Variants in CNTN2 observed in about 807,000 individuals in gnomAD.
CNTN2 encodes contactin-2.
A neutral mutation model predicts 117.5 loss-of-function variants in CNTN2; 53 were observed. The ratio of observed to expected loss-of-function variants is 0.45; its 90% CI spans 0.36 to 0.57. CNTN2 has a LOEUF of 0.57. Among genes scored for constraint, CNTN2 ranks in the 20% least tolerant of loss-of-function variants. The pLI, the probability that CNTN2 is intolerant of heterozygous loss-of-function variation, is 0.00. For missense variants in CNTN2, 1,106 were observed against 1,404.3 expected, an observed-to-expected ratio of 0.79 and a Z score of 3.39; for synonymous variants, 530 against 561.7, an observed-to-expected ratio of 0.94 and a Z score of 0.80.
chr1:205,065,279 G>A lies in CNTN2; in HGVS notation c.1695+17G>A, dbSNP rs774971951. The A allele has an allele frequency of 6.2e-7, 1 of 1,613,570 alleles. No individual in the cohort carries two copies. Among genetic ancestry groups the A allele is most frequent in the South Asian group, 1.1e-5 (1 of 91,042 alleles). On this transcript the variant is annotated intron_variant, in intron 13 of 22. Coordinates refer to ENST00000331830, the MANE Select transcript of CNTN2 (RefSeq NM_005076.5). This position sits in a 1 kb window ranked among gnomAD's most constrained non-coding sequence, Gnocchi z 4.1. ...ACTAATGTGGTGAGACCTAGGGCCA[G>A]AGCCCCATGGCTTCTCCCTCCTTCT...
rs1040227835 is a variant in CNTN2, at chr1:205,064,726, A to G, written c.1495A>G (p.Ser499Gly). The G allele has an allele frequency of 2.2e-5, 36 of 1,614,016 alleles. No homozygotes were observed. Among genetic ancestry groups the G allele is most frequent in the Non-Finnish European group, 2.9e-5 (34 of 1,180,034 alleles). Residue 499 changes from serine (S) to glycine (G), a missense_variant, in exon 12 of 23, where the codon AGC becomes GGC. Transcript: ENST00000331830. ...FAENFMGKAN[S>G]TGILSVRDAT... The stretch of plus-strand genomic sequence containing the variant: ...TGAGAACTTCATGGGCAAAGCCAAC[A>G]GCACTGGAATCCTATCTGTGCGAGG...
chr1:205,057,242 T>C (rs1300922073), intron 2 of CNTN2: 1 of 152,260 alleles, frequency 6.6e-6, no homozygotes, highest in Non-Finnish European at 1.5e-5. Flanking sequence ...GTTCTATAAC[T>C]TTCCCAAGGT....
intron 16 of CNTN2, chr1:205,068,889 A>C (rs1193938006): frequency 2.0e-5 from 3 of 152,252 alleles, no homozygotes; most frequent in Non-Finnish European, 2.9e-5. Context: ...GGAGCTGATG[A>C]AATAAATTCC....
chr1:205,043,743 C>A (rs1351333727), intron 1 of CNTN2, among the ~76,000 whole-genome samples: 1 of 152,150 alleles, frequency 6.6e-6, no homozygotes, highest in Non-Finnish European at 1.5e-5. Flanking sequence ...GCCCTGGGCA[C>A]CCGGTCCAGG....
At chr1:205,062,298 C>T (rs1001663363) in intron 9 of CNTN2, 142 bp from the exon 10 acceptor site, 95 of 1,213,642 alleles carry the variant, frequency 7.8e-5, no homozygotes, top group Non-Finnish European at 9.9e-5. Flanking sequence ...TTCCAGGCAG[C>T]CCTGAGGTAG....
chr1:205,050,276 TGA>T (rs1199563844), intron 1 of CNTN2, among the ~76,000 whole-genome samples: 1 of 93,794 alleles, frequency 1.1e-5, no homozygotes, highest in African/African-American at 4.5e-5. Flanking sequence ...CCTAGAGCTC[TGA>T]GTGTGTGTGT....
At chr1:205,072,979 C>T (rs1654669950) in intron 21 of CNTN2, 89 bp from the exon 22 acceptor site, 30 of 1,416,796 alleles carry the variant, frequency 2.1e-5, no homozygotes, top group Middle Eastern at 3.6e-4. Context: ...CCAGAACCAT[C>T]GGGTCTCCTC....
chr1:205,057,394 C>G (rs1173830917), intron 2 of CNTN2: 1 of 152,456 alleles, frequency 6.6e-6, no homozygotes, highest in Non-Finnish European at 1.5e-5. Context: ...CCTCACACCC[C>G]ACAGATCAGT....
Position 205,061,977 on chromosome 1 carries a change from G to A in CNTN2, c.1086G>A (p.Arg362=), listed in dbSNP as rs1654011145. The part of the protein sequence containing the change: ...GKPRPTVRWL[R]NGEPLASQNR... ...CCCGGCCTACAGTGCGCTGGCTGCG[G>A]AACGGGGAGCCTCTGGCCTCCCAGG... The change falls in exon 9 of 23, where the codon CGG becomes CGA. Residue 362 remains arginine (R), a synonymous_variant. Transcript: ENST00000331830. This position sits in a 1 kb window ranked among gnomAD's most constrained non-coding sequence, Gnocchi z 4.8. 6.2e-7 allele frequency: 1 copy of A among 1,613,382 alleles called. No individual in the cohort carries two copies. Among genetic ancestry groups the A allele is most frequent in the Non-Finnish European group, 8.5e-7 (1 of 1,179,798 alleles).
At position 205,059,736 on chromosome 1, in the gene CNTN2, AC is replaced by A; in HGVS notation, c.797+58del. ...GCACGGTCTCTCGGGGGCACAGGTGACCCCAGGGTGAGGGCAGGCAGAGTCA... is the reference window on the plus strand; with the variant it reads ...GCACGGTCTCTCGGGGGCACAGGTGACCCAGGGTGAGGGCAGGCAGAGTCA... On this transcript the variant is annotated intron_variant, in intron 7 of 22. Coordinates refer to ENST00000331830, the MANE Select transcript of CNTN2 (RefSeq NM_005076.5). This position sits in a 1 kb window ranked among gnomAD's most constrained non-coding sequence, Gnocchi z 5.6. 6.8e-7 allele frequency: 1 copy of A among 1,476,546 alleles called. No homozygotes were observed. The highest frequency in any genetic ancestry group is 9.4e-7 in the Non-Finnish European group (1 of 1,058,306). 91.5% of individuals were successfully genotyped at this position (1,476,546 alleles called of 1,614,324 possible).
chr1:205,067,212 C>T lies in CNTN2; in HGVS notation c.2087C>T (p.Pro696Leu). Residue 696 changes from proline to leucine, a missense_variant, in exon 16 of 23, where the codon CCT becomes CTT. Coordinates refer to ENST00000331830, the MANE Select transcript of CNTN2 (RefSeq NM_005076.5). ...AGCAACATTCTGGGCACTGGGGAGC[C>T]TAGTGGGCCCTCCAGCAAAATCCGG... The part of the protein sequence containing the change: ...IASNILGTGE[P>L]SGPSSKIRTR... The T allele has an allele frequency of 6.2e-7, 1 of 1,613,934 alleles. No homozygotes were observed. Among genetic ancestry groups the T allele is most frequent in the Non-Finnish European group, 8.5e-7 (1 of 1,179,938 alleles).
Position 205,059,554 on chromosome 1 carries a change from A to G in CNTN2, c.698-29A>G, listed in dbSNP as rs750427417. 6.2e-7 allele frequency: 1 copy of G among 1,605,546 alleles called. No homozygotes were observed. The highest frequency in any genetic ancestry group is 8.5e-7 in the Non-Finnish European group (1 of 1,172,282). On this transcript the variant is annotated intron_variant, in intron 6 of 22. Transcript: ENST00000331830. This position sits in a 1 kb window ranked among gnomAD's most constrained non-coding sequence, Gnocchi z 5.6. ...GAGCACCTGACCTGGAGTCATCTGC[A>G]TCTGATTTGTAAAACCCTCTCTCCC...
chr1:205,059,129 C>G lies in CNTN2; in HGVS notation c.533C>G (p.Pro178Arg). The change falls in exon 6 of 23, where the codon CCG becomes CGG. Residue 178 changes from proline (P) to arginine (R), a missense_variant. By Grantham distance (103) the Pro-to-Arg change is moderately radical (BLOSUM62 -2). Coordinates refer to ENST00000331830, the MANE Select transcript of CNTN2 (RefSeq NM_005076.5). This position sits in a 1 kb window ranked among gnomAD's most constrained non-coding sequence, Gnocchi z 5.6. ...WLLNEFPNFI[P>R]TDGRHFVSQT... ...CTCAACGAGTTCCCCAACTTCATCCCGACGGACGGGCGTCACTTCGTGTCC... is the reference window on the plus strand; with the variant it reads ...CTCAACGAGTTCCCCAACTTCATCCGGACGGACGGGCGTCACTTCGTGTCC... 2 of 1,614,210 alleles carry G rather than the reference C, an allele frequency of 1.2e-6. No homozygotes were observed. The highest frequency in any genetic ancestry group is 1.7e-6 in the Non-Finnish European group (2 of 1,180,046).
chr1:205,073,053 A>C lies in CNTN2; in HGVS notation c.2845-15A>C. On this transcript the variant is annotated splice_polypyrimidine_tract_variant and intron_variant, in intron 21 of 22. Transcript: ENST00000331830. The surrounding 1 kb of genome is among the most constrained non-coding windows in gnomAD (Gnocchi z 6.3). ...TGGTGTCAGGAAACTCCACCTGGAA[A>C]CCTCCTTCCCACAGATGCTGTACCA... 8 of 1,613,540 alleles carry C rather than the reference A, an allele frequency of 5.0e-6. No individual in the cohort carries two copies. The highest frequency in any genetic ancestry group is 6.8e-6 in the Non-Finnish European group (8 of 1,179,766).
chr1:205,058,659 C>T lies in CNTN2; in HGVS notation c.483C>T (p.Tyr161=), dbSNP rs1431142646. The T allele has an allele frequency of 6.2e-7, 1 of 1,613,264 alleles. No homozygotes were observed. The highest frequency in any genetic ancestry group is 1.7e-5 in the Admixed American group (1 of 59,988). The change falls in exon 5 of 23, where the codon TAC becomes TAT. Residue 161 remains tyrosine (Y), a synonymous_variant. Coordinates refer to ENST00000331830, the MANE Select transcript of CNTN2 (RefSeq NM_005076.5). This position sits in a 1 kb window ranked among gnomAD's most constrained non-coding sequence, Gnocchi z 4.3. ...VMLPCNPPAH[Y]PGLSYRWLLN... is the part of the protein sequence containing the mutation. Reference sequence around the variant, plus strand: ...TGCCCTGTAACCCACCTGCCCACTACCCAGGTGAGTCCAGACCTGGGGCCA... The same window carrying T: ...TGCCCTGTAACCCACCTGCCCACTATCCAGGTGAGTCCAGACCTGGGGCCA...
In CNTN2 at chr1:205,075,331, G is replaced by A. The variant is rs978038843; in HGVS notation, c.*1566G>A. 6.5e-6 allele frequency: 1 copy of A among 154,792 alleles called. No individual in the cohort carries two copies. The highest frequency in any genetic ancestry group is 2.4e-5 in the African/African-American group (1 of 41,510). 9.6% of individuals were successfully genotyped at this position (154,792 alleles called of 1,614,324 possible). ...AGCTTCTACCAAACTTCAACATGGA[G>A]GGCTGACTTGAAGCTCCCTGTCCCC... is the stretch of plus-strand genomic sequence containing the variant. On this transcript the variant is annotated 3_prime_UTR_variant, in exon 23 of 23. Transcript: ENST00000331830.
At position 205,073,790 on chromosome 1, in the gene CNTN2, G is replaced by A. The variant is rs189196763; in HGVS notation, c.*25G>A. The A allele has an allele frequency of 1.1e-3, 1,775 of 1,587,110 alleles. 23 individuals carry two copies. The African/African-American group carries it at 0.022, about 19-fold the overall frequency. ...ATCCTGGAACCCCTCCCTCTGCGCC[G>A]CAGCTGGACGCCACCTCCGACGGAC... On this transcript the variant is annotated 3_prime_UTR_variant, in exon 23 of 23. Transcript: ENST00000331830. The surrounding 1 kb of genome is among the most constrained non-coding windows in gnomAD (Gnocchi z 6.3).
rs763527327 is a variant in CNTN2 at position 205,065,218 on chromosome 1, A to G, written c.1651A>G (p.Ile551Val). 1.9e-6 allele frequency: 3 copies of G among 1,614,140 alleles called. No individual in the cohort carries two copies. Among genetic ancestry groups the G allele is most frequent in the East Asian group, 2.2e-5 (1 of 44,860 alleles). ...TFTWTLDDFP[I>V]DFDKPGGHYR... Reference sequence around the variant, plus strand: ...CACCTGGACCCTGGACGACTTCCCCATCGACTTTGATAAGCCTGGAGGGCA... The same window carrying G: ...CACCTGGACCCTGGACGACTTCCCCGTCGACTTTGATAAGCCTGGAGGGCA... The change falls in exon 13 of 23, where the codon ATC becomes GTC. Residue 551 changes from isoleucine (I) to valine (V), a missense_variant. Physicochemically the swap from Ile to Val is conservative, Grantham distance 29. Transcript: ENST00000331830. The surrounding 1 kb of genome is among the most constrained non-coding windows in gnomAD (Gnocchi z 4.1).
chr1:205,045,498 T>C (rs144275917), intron 1 of CNTN2, among the ~76,000 whole-genome samples: 4 of 152,338 alleles, frequency 2.6e-5, no homozygotes, highest in African/African-American at 7.2e-5. Flanking sequence ...CAAGGCATCC[T>C]TTCTGCCTCT....
Sources: gnomAD v4.1 joint callset for allele counts (sites outside exome capture counted in the v4.1 genomes callset) on GRCh38, gnomAD v4.1.1 for gene constraint, Gnocchi (gnomAD v3.1) non-coding constraint, MANE v1.5 for transcripts, NCBI Gene and HGNC (gene_info 2026-07-23, HGNC 2026-07-21) for gene names.